Variants in GLIS3 observed in about 807,000 individuals in gnomAD.
GLIS3 encodes the protein GLIS family zinc finger 3, also known as zinc finger protein GLIS3.
GLIS3 carries 53 observed loss-of-function variants against 78.6 expected under a neutral mutation model. The ratio of observed to expected loss-of-function variants is 0.67; its 90% CI spans 0.54 to 0.85. GLIS3 has a LOEUF of 0.85. Ranked by LOEUF, GLIS3 falls within the 40% of genes least tolerant of loss-of-function variation. GLIS3 has a pLI of 0.00. For missense variants in GLIS3, 1,703 were observed against 1,231.1 expected, an observed-to-expected ratio of 1.38 and a Z score of -5.74; for synonymous variants, 684 against 509.9, an observed-to-expected ratio of 1.34 and a Z score of -4.60.
At chr9:4,183,505 C>G (rs182154709) in intron 2 of GLIS3, among the ~76,000 whole-genome samples, 1 of 152,298 alleles carries the variant, frequency 6.6e-6, no homozygotes, top group Non-Finnish European at 1.5e-5. Context: ...CTGAAGGAAG[C>G]AGCGATCCTG....
the GLIS3 span, among the ~76,000 whole-genome samples, chr9:4,390,811 G>T: frequency 6.6e-6 from 1 of 152,094 alleles, no homozygotes; most frequent in Non-Finnish European, 1.5e-5. Flanking sequence ...GACTCCGCTG[G>T]GACAGGGTTT....
At chr9:3,829,643 T>C (rs1190820879) in intron 9 of GLIS3, 151 bp from the exon 10 acceptor site, 2 of 751,420 alleles carry the variant, frequency 2.7e-6, no homozygotes, top group African/African-American at 3.5e-5. Context: ...AAGCAAACAT[T>C]TGGAATGCAC....
chr9:4,216,716 C>G (rs1396268247), intron 2 of GLIS3, among the ~76,000 whole-genome samples: 1 of 152,066 alleles, frequency 6.6e-6, no homozygotes, highest in Non-Finnish European at 1.5e-5. Flanking sequence ...CCAATGTGGC[C>G]TAGGATTCAG....
chr9:4,021,669 C>CT (rs1822896223), intron 4 of GLIS3, among the ~76,000 whole-genome samples: 1 of 152,158 alleles, frequency 6.6e-6, no homozygotes, highest in Non-Finnish European at 1.5e-5. Context: ...AATGAGGTTA[C>CT]TGCCACCGTT....
intron 2 of GLIS3, among the ~76,000 whole-genome samples, chr9:4,172,615 T>TA (rs1215386156): frequency 6.6e-6 from 1 of 152,176 alleles, no homozygotes; most frequent in Non-Finnish European, 1.5e-5. Context: ...GATAAATGAA[T>TA]AAATGAGTGA....
chr9:4,483,384 G>T, the GLIS3 span, among the ~76,000 whole-genome samples: 1 of 152,156 alleles, frequency 6.6e-6, no homozygotes, highest in Non-Finnish European at 1.5e-5. Context: ...ATGTAACTCG[G>T]CTAGTTTTTT....
intron 6 of GLIS3, among the ~76,000 whole-genome samples, chr9:3,930,817 A>G (rs945789326): frequency 6.6e-6 from 1 of 151,314 alleles, no homozygotes; most frequent in Admixed American, 6.6e-5. Flanking sequence ...GGGGGAAGAA[A>G]ACCCCCTCAT....
At chr9:4,407,727 T>C in the GLIS3 span, among the ~76,000 whole-genome samples, 4 of 152,096 alleles carry the variant, frequency 2.6e-5, no homozygotes, top group Non-Finnish European at 2.9e-5. Flanking sequence ...TATCGAGTAA[T>C]ACCCCGCAAG....
chr9:4,031,928 G>A (rs1051704210), intron 4 of GLIS3, among the ~76,000 whole-genome samples: 1 of 152,158 alleles, frequency 6.6e-6, no homozygotes. Flanking sequence ...AGGGAGCCTA[G>A]ACTCTGGCTA....
chr9:4,196,594 G>A (rs1384398477), intron 2 of GLIS3, among the ~76,000 whole-genome samples: 1 of 152,108 alleles, frequency 6.6e-6, no homozygotes, highest in Non-Finnish European at 1.5e-5. Context: ...CTTAAGAGCT[G>A]TAACACTCAC....
chr9:4,095,680 A>C (rs902545848), intron 4 of GLIS3, among the ~76,000 whole-genome samples: 1 of 152,138 alleles, frequency 6.6e-6, no homozygotes, highest in African/African-American at 2.4e-5. Flanking sequence ...GCGAGCTATA[A>C]ATTTGCTTCA....
chr9:4,280,703 G>A (rs1297505947), intron 2 of GLIS3, among the ~76,000 whole-genome samples: 1 of 152,094 alleles, frequency 6.6e-6, no homozygotes, highest in East Asian at 1.9e-4. Flanking sequence ...AGATCTGGGA[G>A]GAGTTGTTCT....
At chr9:4,256,787 G>C (rs375358128) in intron 2 of GLIS3, among the ~76,000 whole-genome samples, 1 of 116,014 alleles carries the variant, frequency 8.6e-6, no homozygotes, top group African/African-American at 3.0e-5. Context: ...AAAAGAGTAC[G>C]GAAGCTCATC....
At chr9:4,431,921 A>C in the GLIS3 span, among the ~76,000 whole-genome samples, 1 of 152,018 alleles carries the variant, frequency 6.6e-6, no homozygotes, top group African/African-American at 2.4e-5. Context: ...ACAACTATTT[A>C]ACTCTGCCAC....
intron 4 of GLIS3, among the ~76,000 whole-genome samples, chr9:4,084,473 C>A (rs1326554863): frequency 6.6e-6 from 1 of 152,048 alleles, no homozygotes; most frequent in Non-Finnish European, 1.5e-5. Context: ...GGAGAAGAAA[C>A]AGCCACGGGA....
At chr9:4,351,380 G>A (rs1817968962), upstream of GLIS3, among the ~76,000 whole-genome samples, 1 of 137,470 alleles carries the variant, frequency 7.3e-6, no homozygotes, top group East Asian at 2.2e-4. Flanking sequence ...ACTCAAGCAT[G>A]GGCAACAGAG....
chr9:4,231,011 G>T (rs1444644159), intron 2 of GLIS3, among the ~76,000 whole-genome samples: 1 of 152,166 alleles, frequency 6.6e-6, no homozygotes, highest in African/African-American at 2.4e-5. Flanking sequence ...GTTTGAGGCT[G>T]TAGTGAGCTA....
intron 6 of GLIS3, among the ~76,000 whole-genome samples, chr9:3,899,939 T>C (rs947941351): frequency 5.3e-5 from 8 of 152,074 alleles, no homozygotes; most frequent in African/African-American, 1.4e-4. Context: ...CAGCTTTAGA[T>C]AGGAGATCAA....
Position 4,344,878 on chromosome 9 carries a change from T to C in GLIS3, n.264+2203A>G, listed in dbSNP as rs539816906. Among the ~76,000 whole-genome samples the C allele has an allele frequency of 2.0e-5, 3 of 152,332 alleles. No individual in the cohort carries two copies. The South Asian group carries it at 6.2e-4, about 32-fold the overall frequency. On this transcript the variant is annotated intron_variant and non_coding_transcript_variant, in intron 2 of 4. Transcript: ENST00000471664. ...GCCAAGGCTCACCCATCAGCGAATC[T>C]TACTGGCTCTACCTTCAAAATATAT...
Sources: allele counts gnomAD v4.1 joint callset (sites outside exome capture counted in the v4.1 genomes callset), GRCh38; gene constraint gnomAD v4.1.1; transcripts MANE v1.5; gene names NCBI Gene and HGNC (gene_info 2026-07-23, HGNC 2026-07-21).